MAPK10: variants seen among roughly 807,000 people sequenced by gnomAD.
MAPK10 encodes the protein mitogen-activated protein kinase 10.
MAPK10 carries 25 observed loss-of-function variants against 59.3 expected under a neutral mutation model. The observed-to-expected ratio is 0.42, with a 90% CI of 0.31 to 0.59. The LOEUF (loss-of-function observed/expected upper bound fraction) is 0.59, where lower values mean the gene tolerates loss of function less well. MAPK10 is among the 20% of genes least tolerant of loss of function. MAPK10 has a pLI of 0.15. For missense variants in MAPK10, 351 were observed against 568.9 expected, an observed-to-expected ratio of 0.62 and a Z score of 3.90; for synonymous variants, 190 against 200.5, an observed-to-expected ratio of 0.95 and a Z score of 0.44.
chr4:86,040,349 C>T (rs543845062), intron 11 of MAPK10, among the ~76,000 whole-genome samples: 10 of 151,272 alleles, frequency 6.6e-5, no homozygotes, highest in East Asian at 3.9e-4. Flanking sequence ...ATCCTATTGC[C>T]GAATATAATG....
intron 1 of MAPK10, among the ~76,000 whole-genome samples, chr4:86,478,161 C>T (rs908413783): frequency 6.6e-6 from 1 of 152,158 alleles, no homozygotes; most frequent in African/African-American, 2.4e-5. Flanking sequence ...CCTGGTTTTG[C>T]CATAACAAAA....
intron 1 of MAPK10, among the ~76,000 whole-genome samples, chr4:86,425,436 A>T (rs1579171352): frequency 2.5e-5 from 1 of 40,428 alleles, no homozygotes; most frequent in South Asian, 6.1e-4. Flanking sequence ...TTTCTGTATT[A>T]AAAAAAAACT....
intron 1 of MAPK10, among the ~76,000 whole-genome samples, chr4:86,591,998 A>T (rs895421218): frequency 3.3e-5 from 5 of 152,120 alleles, no homozygotes; most frequent in Admixed American, 1.3e-4. Flanking sequence ...TTTATTGGGA[A>T]TGATGCTGGA....
chr4:86,346,370 C>T (rs28695505), intron 2 of MAPK10, among the ~76,000 whole-genome samples: 111,163 of 152,056 alleles, frequency 0.73, 41,214 homozygotes, highest in South Asian at 0.9. Context: ...TCTGCATTAC[C>T]TATGGTACCT....
At chr4:86,204,262 A>T (rs1325984386) in intron 2 of MAPK10, among the ~76,000 whole-genome samples, 1 of 152,038 alleles carries the variant, frequency 6.6e-6, no homozygotes, top group Non-Finnish European at 1.5e-5. Context: ...AACCATAAGT[A>T]TATAAATGCA....
intron 2 of MAPK10, among the ~76,000 whole-genome samples, chr4:86,255,160 A>G (rs2148723152): frequency 6.6e-6 from 1 of 152,268 alleles, no homozygotes; most frequent in Non-Finnish European, 1.5e-5. Flanking sequence ...GGTAGAGAGT[A>G]GTAAAATGGA....
intron 3 of MAPK10, among the ~76,000 whole-genome samples, chr4:86,165,240 G>T (rs1002516174): frequency 1.3e-5 from 2 of 152,160 alleles, no homozygotes; most frequent in Non-Finnish European, 2.9e-5. Flanking sequence ...ATGACCAGCA[G>T]ATTCAGTTGC....
upstream of MAPK10, among the ~76,000 whole-genome samples, chr4:86,453,939 A>T (rs2149057239): frequency 6.6e-6 from 1 of 152,204 alleles, no homozygotes; most frequent in Admixed American, 6.5e-5. Context: ...ACATCACAGG[A>T]CTCTGTGCAG....
intron 2 of MAPK10, among the ~76,000 whole-genome samples, chr4:86,270,478 T>A (rs1361465416): frequency 6.6e-6 from 1 of 152,038 alleles, no homozygotes; most frequent in Non-Finnish European, 1.5e-5. Context: ...ACAGTCTCAA[T>A]CAAAATTTTA....
chr4:86,185,011 T>C (rs369860482), intron 3 of MAPK10, among the ~76,000 whole-genome samples: 1 of 152,038 alleles, frequency 6.6e-6, no homozygotes, highest in Admixed American at 6.6e-5. Flanking sequence ...GGAGAAATAA[T>C]GGGAAAGGGG....
At chr4:86,469,326 T>A (rs567689979) in intron 1 of MAPK10, among the ~76,000 whole-genome samples, 26 of 152,302 alleles carry the variant, frequency 1.7e-4, no homozygotes, top group African/African-American at 6.3e-4. Flanking sequence ...CAGAATCTAA[T>A]GAAGAATATC....
intron 2 of MAPK10, among the ~76,000 whole-genome samples, chr4:86,198,079 G>A (rs555631199): frequency 6.6e-6 from 1 of 152,200 alleles, no homozygotes; most frequent in Non-Finnish European, 1.5e-5. Context: ...GATTCCTGTT[G>A]GAAGGCAATT....
At chr4:86,104,498 A>T (rs2056181744) in intron 5 of MAPK10, among the ~76,000 whole-genome samples, 2 of 152,138 alleles carry the variant, frequency 1.3e-5, no homozygotes, top group Non-Finnish European at 2.9e-5. Context: ...TTTCATTGGA[A>T]CATCTACAGT....
Position 86,139,313 on chromosome 4 carries a change from T to A in MAPK10, c.236+19985A>T, listed in dbSNP as rs190803180. On this transcript the variant is annotated intron_variant, in intron 4 of 13. Transcript: ENST00000641462. ...CAAGGCTACAGTAACCAAAACAGCA[T>A]GTTACTGGTACCAAAACAGAGATGT... 2.3e-3 allele frequency among the ~76,000 whole-genome samples: 341 copies of A among 150,392 alleles called. 11 individuals carry two copies. The highest frequency in any genetic ancestry group is 7.9e-3 in the African/African-American group (316 of 39,820).
At chr4:86,470,524 T>G (rs1752570693) in intron 1 of MAPK10, among the ~76,000 whole-genome samples, 2 of 152,188 alleles carry the variant, frequency 1.3e-5, no homozygotes, top group Non-Finnish European at 2.9e-5. Flanking sequence ...TCTTCTTATT[T>G]TAATATTTAC....
intron 2 of MAPK10, among the ~76,000 whole-genome samples, chr4:86,350,623 A>T (rs1056127333): frequency 3.3e-5 from 5 of 152,200 alleles, no homozygotes; most frequent in Admixed American, 2.6e-4. Flanking sequence ...TGCTGGGATT[A>T]CAAAGGCTTG....
intron 2 of MAPK10, among the ~76,000 whole-genome samples, chr4:86,266,265 T>C (rs981091724): frequency 1.3e-5 from 2 of 152,056 alleles, no homozygotes; most frequent in Admixed American, 6.5e-5. Context: ...CAGTAAGATT[T>C]GGTTTTTCTG....
chr4:86,524,798 A>G (rs1757352418), intron 1 of MAPK10, among the ~76,000 whole-genome samples: 1 of 149,346 alleles, frequency 6.7e-6, no homozygotes, highest in Admixed American at 6.7e-5. Context: ...TAGATAATTA[A>G]CCCTACATTA....
At chr4:86,140,678 T>G (rs1490686531) in intron 4 of MAPK10, among the ~76,000 whole-genome samples, 1 of 151,018 alleles carries the variant, frequency 6.6e-6, no homozygotes, top group Non-Finnish European at 1.5e-5. Flanking sequence ...AAACTTAAAG[T>G]ATAATAATAA....
Sources: gnomAD v4.1 joint callset for allele counts (sites outside exome capture counted in the v4.1 genomes callset) on GRCh38, gnomAD v4.1.1 for gene constraint, MANE v1.5 for transcripts, NCBI Gene and HGNC (gene_info 2026-07-23, HGNC 2026-07-21) for gene names.